The following PCDHGB6 variants were observed in gnomAD, a reference collection of about 807,000 sequenced individuals.
PCDHGB6 encodes the protein protocadherin gamma subfamily B, 6, also known as protocadherin gamma-B6.
In PCDHGB6, 51 loss-of-function variants were observed where a neutral mutation model predicts 59.1. That is an observed-to-expected ratio of 0.86 (90% CI 0.69 to 1.09). PCDHGB6 has a LOEUF of 1.09. PCDHGB6 is among the 50% of genes least tolerant of loss of function. The pLI is 0.00. For synonymous variants in PCDHGB6, 466 were observed against 495.1 expected (o/e 0.94, Z 0.78); for missense variants, 1,148 against 1,205.1 (o/e 0.95, Z 0.70).
intron 2 of PCDHGB6, among the ~76,000 whole-genome samples, chr5:141,498,411 C>T (rs747823234): frequency 2.0e-5 from 3 of 152,158 alleles, no homozygotes; most frequent in Non-Finnish European, 4.4e-5. Context: ...TTTCTCTTTG[C>T]TGGCACTGGA....
At chr5:141,466,324 C>A (rs2154569179) in intron 1 of PCDHGB6, among the ~76,000 whole-genome samples, 1 of 152,218 alleles carries the variant, frequency 6.6e-6, no homozygotes, top group East Asian at 1.9e-4. Context: ...GCACATGCTA[C>A]CATGCCTGGA....
chr5:141,485,118 G>C lies in PCDHGB6; in HGVS notation c.2419-9689G>C, dbSNP rs547390669. 1 of 1,331,536 alleles carries C rather than the reference G, an allele frequency of 7.5e-7. No homozygotes were observed. Among genetic ancestry groups the C allele is most frequent in the East Asian group, 2.3e-5 (1 of 43,534 alleles). The allele number at this position is 1,331,536 out of a possible 1,614,324, so 82.5% of individuals were successfully genotyped here. On this transcript the variant is annotated intron_variant, in intron 1 of 3. Coordinates refer to ENST00000520790, the MANE Select transcript of PCDHGB6 (RefSeq NM_018926.3). The surrounding 1 kb of genome is among the most constrained non-coding windows in gnomAD (Gnocchi z 5.7). ...TCTCCAGCTGCTGTGGCTGTTTGGG[G>C]CGGGTCGGCTTCATCCGCGTCTCAG...
rs2099749632 is a variant in PCDHGB6, at chr5:141,493,698, C to T, written c.2419-1109C>T. The stretch of plus-strand genomic sequence containing the variant: ...AGAATGGTGCTGGTGACTCCCGATA[C>T]ACCTGGAATGCTAGGTTTCTGGGTT... On this transcript the variant is annotated intron_variant, in intron 1 of 3. Transcript: ENST00000520790. This position sits in a 1 kb window ranked among gnomAD's most constrained non-coding sequence, Gnocchi z 4.3. Among the ~76,000 whole-genome samples the T allele has an allele frequency of 6.6e-6, 1 of 152,208 alleles. No individual in the cohort carries two copies. Among genetic ancestry groups the T allele is most frequent in the Non-Finnish European group, 1.5e-5 (1 of 68,034 alleles).
chr5:141,458,506 A>G (rs1443711702), intron 1 of PCDHGB6, among the ~76,000 whole-genome samples: 1 of 150,282 alleles, frequency 6.7e-6, no homozygotes, highest in Non-Finnish European at 1.5e-5. Flanking sequence ...ATACTGTTTG[A>G]CACTTTGTTT....
In PCDHGB6 at chr5:141,409,520, T is replaced by A. The variant is rs1177702875; in HGVS notation, c.1318T>A (p.Leu440Met). The A allele has an allele frequency of 6.2e-7, 1 of 1,613,848 alleles. No individual in the cohort carries two copies. The highest frequency in any genetic ancestry group is 2.2e-5 in the East Asian group (1 of 44,892). Residue 440 changes from leucine to methionine, a missense_variant, in exon 1 of 4, where the codon TTG becomes ATG. Physicochemically the swap from Leu to Met is conservative, Grantham distance 15. Around this residue, in one of 5 missense-constraint regions of PCDHGB6, gnomAD observed 549 missense variants for 527.5 expected, o/e 1.04. Transcript: ENST00000520790. ...TCTTTCTTCCAGTAGAAGCATCACC[T>A]TGTATGTCGCTGACATCAACGACAA... ...PPLSSSRSITLYVADINDNAP... is the reference protein window; with the variant it reads ...PPLSSSRSITMYVADINDNAP...
In PCDHGB6 at chr5:141,476,659, G is replaced by A; in HGVS notation, c.2419-18148G>A. On this transcript the variant is annotated intron_variant, in intron 1 of 3. Coordinates refer to ENST00000520790, the MANE Select transcript of PCDHGB6 (RefSeq NM_018926.3). The surrounding 1 kb of genome is among the most constrained non-coding windows in gnomAD (Gnocchi z 7.6). ...AGCTGAGCCGAAATGAATACTTTGC[G>A]CTTCGCGTGCAGACGCGGGAGGACA... 2 of 1,614,252 alleles carry A rather than the reference G, an allele frequency of 1.2e-6. No homozygotes were observed. Among genetic ancestry groups the A allele is most frequent in the Non-Finnish European group, 8.5e-7 (1 of 1,180,048 alleles).
chr5:141,413,212 G>C, intron 1 of PCDHGB6: 2 of 1,613,268 alleles, frequency 1.2e-6, no homozygotes, highest in Middle Eastern at 1.7e-4. Flanking sequence ...GGAATCAAAG[G>C]ATTGCAGCGG....
intron 1 of PCDHGB6, chr5:141,441,810 C>T (rs2098275091): frequency 6.4e-5 from 24 of 372,574 alleles, no homozygotes; most frequent in Middle Eastern, 7.2e-4. Flanking sequence ...GGTGCTGTAC[C>T]CCAGCTCTGG....
chr5:141,501,636 C>T (rs2099810310), intron 2 of PCDHGB6, among the ~76,000 whole-genome samples: 1 of 152,130 alleles, frequency 6.6e-6, no homozygotes, highest in South Asian at 2.1e-4. Flanking sequence ...CTCAACCTCT[C>T]TGAGCCCTGT....
chr5:141,413,548 A>G, intron 1 of PCDHGB6: 1 of 1,613,946 alleles, frequency 6.2e-7, no homozygotes, highest in Non-Finnish European at 8.5e-7. Context: ...TGGGATAGAA[A>G]TAGAAGTAAC....
At chr5:141,456,599 A>T (rs2098870253) in intron 1 of PCDHGB6, among the ~76,000 whole-genome samples, 1 of 152,174 alleles carries the variant, frequency 6.6e-6, no homozygotes, top group African/African-American at 2.4e-5. Flanking sequence ...TTTTGATTTG[A>T]TTTTTAAGTC....
chr5:141,489,894 G>A lies in PCDHGB6; in HGVS notation c.2419-4913G>A, dbSNP rs942456058. 33 of 1,614,204 alleles carry A rather than the reference G, an allele frequency of 2.0e-5. No individual in the cohort carries two copies. The highest frequency in any genetic ancestry group is 2.4e-5 in the Non-Finnish European group (28 of 1,180,028). Reference sequence around the variant, plus strand: ...TGGTGCTTACTGCTGTGGATGGGGGGACCCCAGCCCGCTCAGGGACCACCC... The same window carrying A: ...TGGTGCTTACTGCTGTGGATGGGGGAACCCCAGCCCGCTCAGGGACCACCC... On this transcript the variant is annotated intron_variant, in intron 1 of 3. Coordinates refer to ENST00000520790, the MANE Select transcript of PCDHGB6 (RefSeq NM_018926.3). This position sits in a 1 kb window ranked among gnomAD's most constrained non-coding sequence, Gnocchi z 4.5.
At chr5:141,416,717 A>G (rs1227713508) in intron 1 of PCDHGB6, 1 of 152,256 alleles carries the variant, frequency 6.6e-6, no homozygotes, top group Admixed American at 6.5e-5. Flanking sequence ...GGTACTGATG[A>G]GTTCATTTAG....
intron 1 of PCDHGB6, chr5:141,415,388 G>C (rs752789407): frequency 6.2e-7 from 1 of 1,614,236 alleles, no homozygotes; most frequent in East Asian, 2.2e-5. Flanking sequence ...GGCTTGACAG[G>C]TGTGTCCGGC....
chr5:141,441,740 G>T (rs1241907865), intron 1 of PCDHGB6: 2 of 364,772 alleles, frequency 5.5e-6, no homozygotes, highest in Non-Finnish European at 1.1e-5. Context: ...ACTAGCTCGC[G>T]CTCGGCGTCA....
intron 1 of PCDHGB6, chr5:141,422,941 G>C (rs777535652): frequency 1.2e-6 from 2 of 1,614,218 alleles, no homozygotes; most frequent in Non-Finnish European, 1.7e-6. Context: ...CCCCACAGAC[G>C]GCTCCACTGG....
rs1365936782 is a variant in PCDHGB6, at chr5:141,408,723, C to G, written c.521C>G (p.Ser174Cys). 1.9e-6 allele frequency: 3 copies of G among 1,611,058 alleles called. No homozygotes were observed. Among genetic ancestry groups the G allele is most frequent in the Non-Finnish European group, 2.5e-6 (3 of 1,178,428 alleles). ...INSIKDYKIN[S>C]NPYFSLMVRV... The stretch of plus-strand genomic sequence containing the variant: ...TCAATTAAAGATTATAAGATAAACT[C>G]TAATCCTTATTTTTCATTAATGGTT... The change falls in exon 1 of 4, where the codon TCT becomes TGT. Residue 174 changes from serine to cysteine, a missense_variant. Coordinates refer to ENST00000520790, the MANE Select transcript of PCDHGB6 (RefSeq NM_018926.3).
chr5:141,486,456 C>G lies in PCDHGB6; in HGVS notation c.2419-8351C>G. ...AGCTATGACATCATGGTCACTGCTT[C>G]TGATGCTGGGAACCCTCCTCTCAGT... is the stretch of plus-strand genomic sequence containing the variant. On this transcript the variant is annotated intron_variant, in intron 1 of 3. Transcript: ENST00000520790. The surrounding 1 kb of genome is among the most constrained non-coding windows in gnomAD (Gnocchi z 5.0). The G allele has an allele frequency of 1.9e-6, 3 of 1,614,052 alleles. No homozygotes were observed. In the South Asian group the frequency reaches 3.3e-5, roughly 18 times the overall value.
intron 1 of PCDHGB6, among the ~76,000 whole-genome samples, chr5:141,465,280 C>T (rs922029628): frequency 7.2e-5 from 11 of 151,990 alleles, no homozygotes; most frequent in Non-Finnish European, 1.5e-4. Flanking sequence ...TTAGTTCACC[C>T]CTAAAGAACT....
Sources: gnomAD v4.1 joint callset for allele counts (sites outside exome capture counted in the v4.1 genomes callset) on GRCh38, gnomAD v4.1.1 for gene constraint, gnomAD v4.1.1 regional missense constraint, Gnocchi (gnomAD v3.1) non-coding constraint, MANE v1.5 for transcripts, NCBI Gene and HGNC (gene_info 2026-07-23, HGNC 2026-07-21) for gene names.